Variants in RPTOR observed in about 807,000 individuals in gnomAD.
RPTOR encodes regulatory associated protein of MTOR complex 1.
RPTOR carries 21 observed loss-of-function variants against 169.9 expected under a neutral mutation model. The observed-to-expected ratio is 0.12, with a 90% CI of 0.09 to 0.18. RPTOR has a LOEUF of 0.18. Among genes scored for constraint, RPTOR ranks in the 10% least tolerant of loss-of-function variants. The pLI is 1.00. For synonymous variants in RPTOR, 732 were observed against 753.2 expected (o/e 0.97, Z 0.46); for missense variants, 1,133 against 1,855.9 (o/e 0.61, Z 7.16).
At position 80,746,455 on chromosome 17, in the gene RPTOR, G is replaced by A. The variant is rs1381863237; in HGVS notation, c.655-7555G>A. ...CACTGACTCCACATTACCCACACGT[G>A]GGAACAATGCAGCAGATGTCTTTTT... On this transcript the variant is annotated intron_variant, in intron 5 of 33. Coordinates refer to ENST00000306801, the MANE Select transcript of RPTOR (RefSeq NM_020761.3). This position sits in a 1 kb window ranked among gnomAD's most constrained non-coding sequence, Gnocchi z 4.5. Among the ~76,000 whole-genome samples the A allele has an allele frequency of 1.3e-5, 2 of 152,242 alleles. No individual in the cohort carries two copies. Among genetic ancestry groups the A allele is most frequent in the Admixed American group, 6.5e-5 (1 of 15,292 alleles).
intron 6 of RPTOR, among the ~76,000 whole-genome samples, chr17:80,788,745 C>T (rs543226115): frequency 3.9e-5 from 6 of 152,264 alleles, no homozygotes; most frequent in Admixed American, 6.5e-5. Flanking sequence ...GTATAAAAGA[C>T]AGAACAATGG....
At chr17:80,663,278 CTT>C (rs1323546187) in intron 3 of RPTOR, among the ~76,000 whole-genome samples, 1 of 152,120 alleles carries the variant, frequency 6.6e-6, no homozygotes, top group Admixed American at 6.5e-5. Context: ...GGGTGCAAGT[CTT>C]GTGTGGACCA....
At chr17:80,579,055 C>T (rs1205555786) in intron 1 of RPTOR, among the ~76,000 whole-genome samples, 2 of 152,078 alleles carry the variant, frequency 1.3e-5, no homozygotes, top group Admixed American at 1.3e-4. Flanking sequence ...TACACAGGTA[C>T]TCTGCATTGG....
chr17:80,813,161 A>G (rs560456843), intron 7 of RPTOR, among the ~76,000 whole-genome samples: 14 of 151,308 alleles, frequency 9.3e-5, no homozygotes, highest in Non-Finnish European at 1.9e-4. Context: ...ATGATCACTC[A>G]AAGTCTGTAA....
At chr17:80,952,294 C>G (rs574196928) in intron 28 of RPTOR, among the ~76,000 whole-genome samples, 1 of 152,336 alleles carries the variant, frequency 6.6e-6, no homozygotes, top group African/African-American at 2.4e-5. Context: ...ACATGAACGG[C>G]CAAGGGCTGA....
chr17:80,889,560 C>A (rs2063789), intron 17 of RPTOR, among the ~76,000 whole-genome samples: 63,117 of 151,992 alleles, frequency 0.42, 13,382 homozygotes, highest in Admixed American at 0.49. Flanking sequence ...ACCAGCCAAG[C>A]TCATCTTGCA....
chr17:80,749,542 C>T (rs1186024830), intron 5 of RPTOR, among the ~76,000 whole-genome samples: 32 of 134,814 alleles, frequency 2.4e-4, no homozygotes, highest in African/African-American at 8.2e-4. Context: ...GGAGGGGCTG[C>T]GGTGTGTGTT....
intron 3 of RPTOR, among the ~76,000 whole-genome samples, chr17:80,670,869 G>A (rs142206563): frequency 3.8e-4 from 58 of 151,978 alleles, no homozygotes; most frequent in Non-Finnish European, 1.6e-4. Flanking sequence ...GGTCTCCTCG[G>A]TCAGGGGAAT....
chr17:80,727,033 C>T (rs9899843), intron 4 of RPTOR, among the ~76,000 whole-genome samples: 33,021 of 151,846 alleles, frequency 0.22, 3,617 homozygotes, highest in African/African-American at 0.22. Context: ...GACCACGTCA[C>T]GCTGCGAGAA....
chr17:80,606,478 T>A (rs1329937344), intron 1 of RPTOR, among the ~76,000 whole-genome samples: 1 of 152,142 alleles, frequency 6.6e-6, no homozygotes, highest in African/African-American at 2.4e-5. Context: ...TCCGTTAGCT[T>A]TTGAAAATTT....
At chr17:80,822,408 A>G in intron 8 of RPTOR, 107 bp downstream of exon 8, 1 of 1,091,446 alleles carries the variant, frequency 9.2e-7, no homozygotes, top group South Asian at 1.3e-5. Context: ...GTGCCTCCCT[A>G]GTGAGGAAGA....
chr17:80,961,063 G>A (rs980821153), intron 30 of RPTOR: 1 of 371,288 alleles, frequency 2.7e-6, no homozygotes, highest in Non-Finnish European at 4.9e-6. Flanking sequence ...CAAAGCAAAG[G>A]GTGGGCAGGG....
intron 1 of RPTOR, among the ~76,000 whole-genome samples, chr17:80,613,513 A>G (rs1416091674): frequency 1.3e-5 from 2 of 152,224 alleles, no homozygotes; most frequent in Non-Finnish European, 2.9e-5. Flanking sequence ...GTATGTAGTA[A>G]CATTCATATA....
chr17:80,682,405 G>A (rs2065906155), intron 3 of RPTOR, among the ~76,000 whole-genome samples: 1 of 152,134 alleles, frequency 6.6e-6, no homozygotes, highest in Non-Finnish European at 1.5e-5. Flanking sequence ...ACCCAGCCAG[G>A]TTAAGGTTGT....
chr17:80,754,215 C>A lies in RPTOR; in HGVS notation c.830+30C>A. 6.4e-6 allele frequency: 10 copies of A among 1,562,560 alleles called. No homozygotes were observed. The highest frequency in any genetic ancestry group is 1.3e-5 in the African/African-American group (1 of 74,220). On this transcript the variant is annotated intron_variant, in intron 6 of 33. Coordinates refer to ENST00000306801, the MANE Select transcript of RPTOR (RefSeq NM_020761.3). The surrounding 1 kb of genome is among the most constrained non-coding windows in gnomAD (Gnocchi z 4.2). ...GTGGCCCCTGCTGTGCCCCTGGGAC[C>A]CACTCAACTGGGCTCTCCCGCAGGG...
intron 7 of RPTOR, among the ~76,000 whole-genome samples, chr17:80,801,025 C>A (rs2067151875): frequency 6.6e-6 from 1 of 152,226 alleles, no homozygotes; most frequent in Non-Finnish European, 1.5e-5. Flanking sequence ...AGCCCCACAG[C>A]CCTGGAGCTT....
At chr17:80,911,730 A>T (rs2068615377) in intron 21 of RPTOR, among the ~76,000 whole-genome samples, 1 of 152,160 alleles carries the variant, frequency 6.6e-6, no homozygotes, top group Admixed American at 6.5e-5. Flanking sequence ...GGCTGCAGTG[A>T]GCTATGATTG....
intron 20 of RPTOR, among the ~76,000 whole-genome samples, chr17:80,906,023 T>C (rs1217604903): frequency 6.6e-6 from 1 of 152,014 alleles, no homozygotes; most frequent in African/African-American, 2.4e-5. Flanking sequence ...CCCAGAATAA[T>C]CAAGGGGAGT....
At chr17:80,763,253 AAAT>A (rs1191034832) in intron 6 of RPTOR, among the ~76,000 whole-genome samples, 2 of 152,236 alleles carry the variant, frequency 1.3e-5, no homozygotes, top group East Asian at 3.9e-4. Flanking sequence ...CTCTAAAAAA[AAAT>A]AATAATAATA....
Sources: allele counts gnomAD v4.1 joint callset (sites outside exome capture counted in the v4.1 genomes callset), GRCh38; gene constraint gnomAD v4.1.1; non-coding constraint Gnocchi (gnomAD v3.1); transcripts MANE v1.5; gene names NCBI Gene and HGNC (gene_info 2026-07-23, HGNC 2026-07-21).